KCNH7: variants seen among roughly 807,000 people sequenced by gnomAD.
KCNH7 encodes potassium voltage-gated channel subfamily H member 7.
Under a neutral mutation model 120.8 loss-of-function variants are expected in KCNH7, and 49 were observed. That is an observed-to-expected ratio of 0.41 (90% confidence interval 0.32 to 0.51). The LOEUF (loss-of-function observed/expected upper bound fraction) is 0.51, where lower values mean the gene tolerates loss of function less well. Among genes scored for constraint, KCNH7 ranks in the 20% least tolerant of loss-of-function variants. KCNH7 has a pLI of 0.38. For synonymous variants in KCNH7, 547 were observed against 516.1 expected, an observed-to-expected ratio of 1.06 and a Z score of -0.81; for missense variants, 1,097 against 1,446.6, an observed-to-expected ratio of 0.76 and a Z score of 3.92.
At chr2:162,622,250 G>C (rs552786588) in intron 2 of KCNH7, among the ~76,000 whole-genome samples, 1 of 152,302 alleles carries the variant, frequency 6.6e-6, no homozygotes, top group East Asian at 1.9e-4. Flanking sequence ...ATGGGAGAGA[G>C]TATCAAAACT....
chr2:162,820,209 TTGTGTGTGTGTGTGTGTGTG>T (rs71410049), intron 2 of KCNH7, among the ~76,000 whole-genome samples: 2 of 99,680 alleles, frequency 2.0e-5, no homozygotes, highest in Admixed American at 1.3e-4. Flanking sequence ...CCGGCTAATT[TTGTGTGTGTGTGTGTGTGTG>T]TGTGTGTGTG....
At chr2:162,795,394 A>G (rs773641777) in intron 2 of KCNH7, 3 of 151,960 alleles carry the variant, frequency 2.0e-5, no homozygotes, top group Non-Finnish European at 4.4e-5. Flanking sequence ...TTTCCATTTC[A>G]GGGACACCCT....
At chr2:162,635,925 CT>C (rs1327339241) in intron 2 of KCNH7, among the ~76,000 whole-genome samples, 1 of 152,014 alleles carries the variant, frequency 6.6e-6, no homozygotes, top group Admixed American at 6.6e-5. Flanking sequence ...TCAAATATGC[CT>C]CCTTAGTGGG....
chr2:162,576,301 A>G (rs1204272047), intron 2 of KCNH7, among the ~76,000 whole-genome samples: 2 of 152,068 alleles, frequency 1.3e-5, no homozygotes, highest in African/African-American at 4.8e-5. Flanking sequence ...CAGCTCTCTT[A>G]ACTTCTCTGC....
At chr2:162,387,060 G>C (rs1470342578) in intron 12 of KCNH7, among the ~76,000 whole-genome samples, 1 of 150,710 alleles carries the variant, frequency 6.6e-6, no homozygotes, top group African/African-American at 2.4e-5. Flanking sequence ...GGTAAAAGCA[G>C]AATCAGGTAA....
intron 2 of KCNH7, among the ~76,000 whole-genome samples, chr2:162,687,386 AATTAG>A (rs1392503613): frequency 1.3e-5 from 2 of 152,132 alleles, no homozygotes; most frequent in Non-Finnish European, 2.9e-5. Context: ...GTACCTTTAA[AATTAG>A]ATTATACTTT....
At chr2:162,377,921 A>T (rs1329910906) in intron 14 of KCNH7, among the ~76,000 whole-genome samples, 1 of 152,198 alleles carries the variant, frequency 6.6e-6, no homozygotes, top group Non-Finnish European at 1.5e-5. Flanking sequence ...CTATTGGGTG[A>T]TTGCACGCCA....
intron 2 of KCNH7, among the ~76,000 whole-genome samples, chr2:162,815,150 A>G (rs1333582097): frequency 6.6e-6 from 1 of 152,150 alleles, no homozygotes; most frequent in Non-Finnish European, 1.5e-5. Context: ...AAGACCACAC[A>G]TCTTAATCTA....
intron 2 of KCNH7, among the ~76,000 whole-genome samples, chr2:162,684,012 T>C (rs1380442511): frequency 1.3e-5 from 2 of 151,816 alleles, no homozygotes; most frequent in East Asian, 1.9e-4. Flanking sequence ...TATAGACCAA[T>C]GGAACAGAAC....
intron 2 of KCNH7, among the ~76,000 whole-genome samples, chr2:162,770,891 T>G (rs1249662377): frequency 6.6e-6 from 1 of 152,100 alleles, no homozygotes; most frequent in Non-Finnish European, 1.5e-5. Context: ...TCCTAAAAAA[T>G]TTCTCCTCAC....
At chr2:162,752,962 A>G (rs537315808) in intron 2 of KCNH7, among the ~76,000 whole-genome samples, 1 of 115,730 alleles carries the variant, frequency 8.6e-6, no homozygotes, top group Non-Finnish European at 1.6e-5. Flanking sequence ...AGAAAAGAAA[A>G]GAAAAGAAAA....
intron 2 of KCNH7, among the ~76,000 whole-genome samples, chr2:162,613,503 G>T (rs1355649464): frequency 6.6e-6 from 1 of 151,920 alleles, no homozygotes; most frequent in Non-Finnish European, 1.5e-5. Context: ...GCCTGTTGTT[G>T]CAGCCTGTTA....
Position 162,517,636 on chromosome 2 carries a change from G to T in KCNH7, c.892+94C>A, listed in dbSNP as rs1357117071. 4 of 1,070,528 alleles carry T rather than the reference G, an allele frequency of 3.7e-6. No individual in the cohort carries two copies. In the African/African-American group the frequency reaches 4.8e-5, roughly 13 times the overall value. 66.3% of individuals were successfully genotyped at this position (1,070,528 alleles called of 1,614,324 possible). A position where few individuals can be genotyped will look rare whatever the true frequency, so the allele number is the denominator to read the frequency against. On this transcript the variant is annotated intron_variant, in intron 4 of 15. Coordinates refer to ENST00000332142, the MANE Select transcript of KCNH7 (RefSeq NM_033272.4). ...CTTTAATCACATTTCTTTCCCCAATGCACAGAGATTATTGTTGAAATTTCA... is the reference window on the plus strand; with the variant it reads ...CTTTAATCACATTTCTTTCCCCAATTCACAGAGATTATTGTTGAAATTTCA...
intron 6 of KCNH7, among the ~76,000 whole-genome samples, chr2:162,472,502 T>C (rs1689580094): frequency 6.6e-6 from 1 of 152,224 alleles, no homozygotes; most frequent in South Asian, 2.1e-4. Context: ...TCATCATCAC[T>C]GGCCATCAGA....
At chr2:162,386,449 A>C (rs1686573856) in intron 12 of KCNH7, among the ~76,000 whole-genome samples, 1 of 151,836 alleles carries the variant, frequency 6.6e-6, no homozygotes, top group Admixed American at 6.6e-5. Context: ...AGCCTAGTAA[A>C]TGTGAAAAAA....
intron 12 of KCNH7, among the ~76,000 whole-genome samples, chr2:162,389,168 G>A (rs1158595517): frequency 2.0e-5 from 3 of 151,542 alleles, no homozygotes; most frequent in East Asian, 1.9e-4. Flanking sequence ...TTTGTTTTTC[G>A]TGCTTGGCAG....
chr2:162,530,814 GA>G (rs60807259), intron 3 of KCNH7, among the ~76,000 whole-genome samples: 18,633 of 151,362 alleles, frequency 0.12, 3,803 homozygotes, highest in African/African-American at 0.42. Context: ...ATACTTCAAA[GA>G]AAAAAAATCA....
intron 2 of KCNH7, among the ~76,000 whole-genome samples, chr2:162,615,537 G>A (rs1327550512): frequency 6.6e-6 from 1 of 152,042 alleles, no homozygotes. Flanking sequence ...ATTTATTAGG[G>A]TTCTCAAATG....
At chr2:162,657,802 T>G (rs986514466) in intron 2 of KCNH7, among the ~76,000 whole-genome samples, 2 of 152,140 alleles carry the variant, frequency 1.3e-5, no homozygotes, top group Admixed American at 6.5e-5. Context: ...GTTTACGATC[T>G]CCACAGTAAT....
Sources: gnomAD v4.1 joint callset for allele counts (sites outside exome capture counted in the v4.1 genomes callset) on GRCh38, gnomAD v4.1.1 for gene constraint, MANE v1.5 for transcripts, NCBI Gene and HGNC (gene_info 2026-07-23, HGNC 2026-07-21) for gene names.